Variants in KMT2E observed in about 807,000 individuals in gnomAD.
KMT2E encodes the protein lysine methyltransferase 2E (inactive), also known as histone reader KMT2E.
KMT2E carries 30 observed loss-of-function variants against 184.6 expected under a neutral mutation model. The ratio of observed to expected loss-of-function variants is 0.16; its 90% confidence interval spans 0.12 to 0.22. KMT2E has a LOEUF of 0.22. Ranked by LOEUF, KMT2E falls within the 10% of genes least tolerant of loss-of-function variation. The pLI is 1.00. For synonymous variants in KMT2E, 815 were observed against 776.5 expected (o/e 1.05, Z -0.82); for missense variants, 2,023 against 2,237.4 (o/e 0.90, Z 1.93).
chr7:105,069,688 GT>G (rs1187450045), intron 6 of KMT2E, among the ~76,000 whole-genome samples: 2 of 151,976 alleles, frequency 1.3e-5, no homozygotes, highest in Non-Finnish European at 2.9e-5. Flanking sequence ...TCTTTTACCT[GT>G]TTTGCCCCAG....
In KMT2E at chr7:105,107,628, C is replaced by T; in HGVS notation, c.3171C>T (p.His1057=). 1 of 1,614,128 alleles carries T rather than the reference C, an allele frequency of 6.2e-7. No homozygotes were observed. The highest frequency in any genetic ancestry group is 1.1e-5 in the South Asian group (1 of 91,078). The change falls in exon 22 of 27, where the codon CAC becomes CAT. Residue 1057 remains histidine, a synonymous_variant. Coordinates refer to ENST00000311117, the MANE Select transcript of KMT2E (RefSeq NM_182931.3). The stretch of plus-strand genomic sequence containing the variant: ...CCAACAGCCAACTGGACTCGACTCA[C>T]TCTGGACGGGGCACAATGTATTCTT... ...AEPNSQLDST[H]SGRGTMYSSW... is the part of the protein sequence containing the mutation.
chr7:105,057,901 T>C (rs1796637739), intron 3 of KMT2E, among the ~76,000 whole-genome samples: 2 of 152,246 alleles, frequency 1.3e-5, no homozygotes, highest in Admixed American at 6.5e-5. Flanking sequence ...CAGTTCATCT[T>C]CAAATTTTCT....
At chr7:105,107,337 ATTT>A (rs759777829) in intron 21 of KMT2E, 22 bp from the exon 22 acceptor site, 1 of 1,269,668 alleles carries the variant, frequency 7.9e-7, no homozygotes, top group Non-Finnish European at 1.1e-6. Context: ...TATTTGTGTA[ATTT>A]TTTTTTTTAA....
At chr7:105,059,872 A>G (rs1159338375) in intron 3 of KMT2E, among the ~76,000 whole-genome samples, 1 of 151,694 alleles carries the variant, frequency 6.6e-6, no homozygotes, top group Non-Finnish European at 1.5e-5. Flanking sequence ...ATTTTCTACA[A>G]TCAGCATGTA....
At chr7:105,076,020 C>T in intron 8 of KMT2E, 23 bp from the exon 9 acceptor site, 1 of 1,564,586 alleles carries the variant, frequency 6.4e-7, no homozygotes, top group Non-Finnish European at 8.8e-7. Flanking sequence ...AGGAAACTAA[C>T]TAGAATTCCA....
Position 105,065,797 on chromosome 7 carries a change from G to T in KMT2E, c.417-930G>T, listed in dbSNP as rs75343896. Among the ~76,000 whole-genome samples, 452 of 152,262 alleles carry T rather than the reference G, an allele frequency of 3.0e-3. 15 individuals carry two copies. The East Asian group carries it at 0.061, about 21-fold the overall frequency. ...AAAGCAAACCATGGATAAGGGGGAA[G>T]CTACTGTAGTTATATATTAGAAGTA... On this transcript the variant is annotated intron_variant, in intron 5 of 26. Coordinates refer to ENST00000311117, the MANE Select transcript of KMT2E (RefSeq NM_182931.3).
In KMT2E at chr7:105,017,311, C is replaced by T. The variant is rs570733615; in HGVS notation, c.-189+2776C>T. On this transcript the variant is annotated intron_variant, in intron 1 of 26. Coordinates refer to ENST00000311117, the MANE Select transcript of KMT2E (RefSeq NM_182931.3). ...TTATTTGGCTTCAAATGAAAAATAC[C>T]AAGTTAGAAATTATAGGAAAAGCTG... Among the ~76,000 whole-genome samples the T allele has an allele frequency of 5.3e-5, 8 of 152,154 alleles. No individual in the cohort carries two copies. The East Asian group carries it at 1.3e-3, about 26-fold the overall frequency.
At chr7:105,065,728 A>G (rs1350368794) in intron 5 of KMT2E, among the ~76,000 whole-genome samples, 1 of 152,090 alleles carries the variant, frequency 6.6e-6, no homozygotes, top group Non-Finnish European at 1.5e-5. Flanking sequence ...AAAATATCTT[A>G]ATATTTTCAG....
intron 8 of KMT2E, 110 bp from the exon 9 acceptor site, chr7:105,075,933 A>T (rs1295723402): frequency 1.3e-6 from 1 of 795,396 alleles, no homozygotes; most frequent in South Asian, 1.6e-5. Flanking sequence ...TGGTTACCAA[A>T]TTTTTTGTTA....
intron 22 of KMT2E, among the ~76,000 whole-genome samples, chr7:105,108,341 G>A (rs1419022772): frequency 6.6e-6 from 1 of 152,148 alleles, no homozygotes; most frequent in Non-Finnish European, 1.5e-5. Flanking sequence ...GGCCATGGAT[G>A]TAAGAGTGTT....
chr7:105,023,940 A>C (rs1562874888), intron 1 of KMT2E, among the ~76,000 whole-genome samples: 1 of 152,196 alleles, frequency 6.6e-6, no homozygotes, highest in Non-Finnish European at 1.5e-5. Flanking sequence ...TTTGTAGTTA[A>C]AGAAATATAT....
chr7:105,099,487 G>A (rs551615805), intron 15 of KMT2E, among the ~76,000 whole-genome samples: 8 of 152,236 alleles, frequency 5.3e-5, no homozygotes, highest in Non-Finnish European at 1.0e-4. Flanking sequence ...TAGCTGTAGT[G>A]TTTACAGGGG....
At chr7:105,093,753 GCTTA>G (rs1225925748) in intron 15 of KMT2E, among the ~76,000 whole-genome samples, 2 of 152,156 alleles carry the variant, frequency 1.3e-5, no homozygotes, top group East Asian at 3.9e-4. Context: ...ATGTATATTG[GCTTA>G]CTTACTTGGA....
chr7:105,068,457 C>G (rs1274665738), intron 6 of KMT2E, among the ~76,000 whole-genome samples: 2 of 150,920 alleles, frequency 1.3e-5, no homozygotes, highest in African/African-American at 2.4e-5. Context: ...GAACAAACTT[C>G]TCTTTTTTTT....
chr7:105,110,710 G>A, intron 25 of KMT2E, 61 bp from the exon 26 acceptor site: 2 of 1,577,510 alleles, frequency 1.3e-6, no homozygotes, highest in South Asian at 2.2e-5. Flanking sequence ...TTGCTTTGTG[G>A]TGTTAAAACA....
chr7:105,044,583 T>C (rs1264937639), intron 3 of KMT2E, among the ~76,000 whole-genome samples: 2 of 152,142 alleles, frequency 1.3e-5, no homozygotes, highest in African/African-American at 2.4e-5. Flanking sequence ...TCTGTAAAAC[T>C]GGAGATTGGA....
intron 3 of KMT2E, among the ~76,000 whole-genome samples, chr7:105,054,936 A>G (rs997244788): frequency 2.6e-5 from 4 of 152,188 alleles, no homozygotes; most frequent in African/African-American, 9.7e-5. Flanking sequence ...CTTTTCAGAA[A>G]AGTGAAGAAT....
chr7:105,085,968 G>A (rs1412382321), intron 13 of KMT2E, among the ~76,000 whole-genome samples: 4 of 151,960 alleles, frequency 2.6e-5, no homozygotes, highest in East Asian at 3.9e-4. Flanking sequence ...CACCACCACC[G>A]GCCCTTTAAT....
rs1458960165 is a variant in KMT2E at position 105,112,716 on chromosome 7, C to T, written c.4960C>T (p.His1654Tyr). ...PNSHQQHSVA[H>Y]VVGPVHAVTP... ...TTCCCATCAGCAACACTCTGTAGCACATGTAGTAGGGCCTGTTCATGCGGT... is the reference window on the plus strand; with the variant it reads ...TTCCCATCAGCAACACTCTGTAGCATATGTAGTAGGGCCTGTTCATGCGGT... The change falls in exon 27 of 27, where the codon CAT (histidine) becomes TAT (tyrosine). Residue 1654 changes from histidine (H) to tyrosine (Y), a missense_variant. This residue lies in a region of KMT2E where 1,108 missense variants were observed against 1,050.9 expected (regional missense o/e 1.05). Coordinates refer to ENST00000311117, the MANE Select transcript of KMT2E (RefSeq NM_182931.3). The T allele has an allele frequency of 6.2e-7, 1 of 1,613,792 alleles. No individual in the cohort carries two copies. The highest frequency in any genetic ancestry group is 8.5e-7 in the Non-Finnish European group (1 of 1,179,974).
Sources: gnomAD v4.1 joint callset for allele counts (sites outside exome capture counted in the v4.1 genomes callset) on GRCh38, gnomAD v4.1.1 for gene constraint, gnomAD v4.1.1 regional missense constraint, MANE v1.5 for transcripts, NCBI Gene and HGNC (gene_info 2026-07-23, HGNC 2026-07-21) for gene names.